GALNTL6: variants seen among roughly 807,000 people sequenced by gnomAD.
GALNTL6 encodes the protein polypeptide N-acetylgalactosaminyltransferase-like 6.
In GALNTL6, 46 loss-of-function variants were observed where a neutral mutation model predicts 73.7. The observed-to-expected ratio is 0.62, with a 90% confidence interval of 0.49 to 0.80. GALNTL6 has a LOEUF of 0.80. Ranked by LOEUF, GALNTL6 falls within the 30% of genes least tolerant of loss-of-function variation. GALNTL6 has a pLI of 0.00. For synonymous variants in GALNTL6, 259 were observed against 263.7 expected, an observed-to-expected ratio of 0.98 and a Z score of 0.17; for missense variants, 604 against 755.0, an observed-to-expected ratio of 0.80 and a Z score of 2.34.
At chr4:172,251,040 C>CAA (rs112478194) in intron 3 of GALNTL6, among the ~76,000 whole-genome samples, 1 of 150,936 alleles carries the variant, frequency 6.6e-6, no homozygotes, top group African/African-American at 2.4e-5. Flanking sequence ...CAGGGTTGTC[C>CAA]AAAAAAAATA....
At chr4:171,940,474 T>C (rs1560850524) in intron 2 of GALNTL6, among the ~76,000 whole-genome samples, 1 of 152,138 alleles carries the variant, frequency 6.6e-6, no homozygotes, top group Non-Finnish European at 1.5e-5. Context: ...AAAAGTTTAA[T>C]CTTTTGTAAC....
chr4:172,405,165 C>T (rs1005028332), intron 5 of GALNTL6, among the ~76,000 whole-genome samples: 2 of 151,770 alleles, frequency 1.3e-5, no homozygotes, highest in Non-Finnish European at 1.5e-5. Context: ...TTCATTTCAC[C>T]AGGTGTGCCC....
intron 4 of GALNTL6, among the ~76,000 whole-genome samples, chr4:172,328,769 G>A (rs559328580): frequency 1.3e-5 from 2 of 152,016 alleles, no homozygotes; most frequent in Non-Finnish European, 2.9e-5. Flanking sequence ...GTGTCATTTC[G>A]TTGTGATTCT....
rs200051639 is a variant in GALNTL6 at position 172,256,807 on chromosome 4, TTAGA to T, written c.247+27048_247+27051del. ...TAATAGATGTTAATTAATAGATTGATTAGATAGAGTATTGCTTTCTTCACACTAG... is the reference window on the plus strand; with the variant it reads ...TAATAGATGTTAATTAATAGATTGATTAGAGTATTGCTTTCTTCACACTAG... On this transcript the variant is annotated intron_variant, in intron 3 of 12. Coordinates refer to ENST00000506823, the MANE Select transcript of GALNTL6 (RefSeq NM_001034845.3). Among the ~76,000 whole-genome samples, 1,259 of 151,516 alleles carry T rather than the reference TTAGA, an allele frequency of 8.3e-3. 16 individuals carry two copies. Among genetic ancestry groups the T allele is most frequent in the African/African-American group, 0.029 (1,193 of 41,512 alleles).
chr4:172,402,854 T>G (rs1171734276), intron 5 of GALNTL6, among the ~76,000 whole-genome samples: 1 of 152,100 alleles, frequency 6.6e-6, no homozygotes, highest in Non-Finnish European at 1.5e-5. Flanking sequence ...CGATTTTTAC[T>G]ATACAGAAAA....
At chr4:172,484,035 TG>T (rs1391416871) in intron 5 of GALNTL6, among the ~76,000 whole-genome samples, 1 of 152,130 alleles carries the variant, frequency 6.6e-6, no homozygotes, top group Non-Finnish European at 1.5e-5. Context: ...TTTGGGTTTG[TG>T]GGGGTCTCTA....
chr4:172,148,381 A>G (rs1733982495), intron 2 of GALNTL6, among the ~76,000 whole-genome samples: 1 of 152,166 alleles, frequency 6.6e-6, no homozygotes, highest in Admixed American at 6.5e-5. Flanking sequence ...CAGACTCTTA[A>G]ACTATGACTT....
At chr4:171,964,381 A>G (rs1264746746) in intron 2 of GALNTL6, among the ~76,000 whole-genome samples, 2 of 152,150 alleles carry the variant, frequency 1.3e-5, no homozygotes, top group Non-Finnish European at 2.9e-5. Context: ...ACAATCTATT[A>G]TTACATTTCT....
At chr4:172,746,775 T>C (rs143545509) in intron 5 of GALNTL6, among the ~76,000 whole-genome samples, 155 of 152,204 alleles carry the variant, frequency 1.0e-3, no homozygotes, top group African/African-American at 3.1e-3. Context: ...GCTTTTCCTC[T>C]AAGGTCAAAA....
chr4:172,391,290 A>G (rs928066766), intron 5 of GALNTL6, among the ~76,000 whole-genome samples: 1 of 152,196 alleles, frequency 6.6e-6, no homozygotes, highest in Non-Finnish European at 1.5e-5. Flanking sequence ...CCTTGCAGAA[A>G]GAAGAAGAGC....
intron 4 of GALNTL6, among the ~76,000 whole-genome samples, chr4:172,344,395 G>A (rs1741671433): frequency 1.3e-5 from 2 of 152,180 alleles, no homozygotes; most frequent in Non-Finnish European, 2.9e-5. Context: ...GTGCTAGAAT[G>A]ACCGAATAAA....
chr4:172,663,662 C>G (rs1156522907), intron 5 of GALNTL6, among the ~76,000 whole-genome samples: 1 of 152,222 alleles, frequency 6.6e-6, no homozygotes, highest in Admixed American at 6.5e-5. Flanking sequence ...GGCGTAGTGG[C>G]TCACGCCTAT....
chr4:171,994,795 A>G (rs1156716089), intron 2 of GALNTL6, among the ~76,000 whole-genome samples: 1 of 152,128 alleles, frequency 6.6e-6, no homozygotes, highest in African/African-American at 2.4e-5. Flanking sequence ...GAAAACTCAG[A>G]GGCCATAAAA....
chr4:172,217,976 C>G (rs1373508139), intron 2 of GALNTL6, among the ~76,000 whole-genome samples: 14 of 152,086 alleles, frequency 9.2e-5, no homozygotes, highest in Non-Finnish European at 1.9e-4. Flanking sequence ...CTAAGGACTC[C>G]TCTTTATATA....
chr4:172,929,319 G>A (rs563776304), intron 8 of GALNTL6, among the ~76,000 whole-genome samples: 1 of 152,212 alleles, frequency 6.6e-6, no homozygotes, highest in African/African-American at 2.4e-5. Flanking sequence ...ATTCCTCTTA[G>A]TGAAAGAAGT....
intron 2 of GALNTL6, among the ~76,000 whole-genome samples, chr4:172,099,079 T>A (rs535707482): frequency 1.1e-4 from 17 of 152,194 alleles, no homozygotes; most frequent in African/African-American, 3.9e-4. Flanking sequence ...AGAAGGAATA[T>A]CAAGAAAGAA....
rs748918926 is a variant in GALNTL6, at chr4:172,952,153, C to G, written c.1266C>G (p.Arg422=). The part of the protein sequence containing the change: ...TGDISAQKEL[R]KQLKCKDFKW... ...ACATCTCTGCCCAGAAGGAGCTGCG[C>G]AAGCAGCTCAAGTGCAAGGACTTCA... Residue 422 remains arginine, a synonymous_variant, in exon 10 of 13, where the codon CGC becomes CGG. Coordinates refer to ENST00000506823, the MANE Select transcript of GALNTL6 (RefSeq NM_001034845.3). 4 of 1,613,210 alleles carry G rather than the reference C, an allele frequency of 2.5e-6. No individual in the cohort carries two copies. Among genetic ancestry groups the G allele is most frequent in the South Asian group, 2.2e-5 (2 of 91,062 alleles).
chr4:172,903,915 C>T (rs764176752), intron 8 of GALNTL6, among the ~76,000 whole-genome samples: 5 of 152,108 alleles, frequency 3.3e-5, no homozygotes, highest in South Asian at 2.1e-4. Flanking sequence ...CTGAGCTTTG[C>T]GGTAGAAATG....
At chr4:171,843,199 C>T (rs1346590283) in intron 2 of GALNTL6, among the ~76,000 whole-genome samples, 1 of 152,002 alleles carries the variant, frequency 6.6e-6, no homozygotes, top group African/African-American at 2.4e-5. Flanking sequence ...GGCATCGTAG[C>T]AGGACACACT....
Sources: allele counts gnomAD v4.1 joint callset (sites outside exome capture counted in the v4.1 genomes callset), GRCh38; gene constraint gnomAD v4.1.1; transcripts MANE v1.5; gene names NCBI Gene and HGNC (gene_info 2026-07-23, HGNC 2026-07-21).